The following SNX31 variants were observed in gnomAD, a reference collection of about 807,000 sequenced individuals.
The protein encoded by SNX31 is sorting nexin 31.
Under a neutral mutation model 65.4 loss-of-function variants are expected in SNX31, and 58 were observed. The ratio of observed to expected loss-of-function variants is 0.89; its 90% CI spans 0.72 to 1.10. SNX31 has a LOEUF of 1.10. Ranked by LOEUF, SNX31 falls within the 50% of genes least tolerant of loss-of-function variation. The pLI is 0.00. For missense variants in SNX31, 523 were observed against 529.7 expected (o/e 0.99, Z 0.12); for synonymous variants, 181 against 190.1 (o/e 0.95, Z 0.39).
upstream of SNX31, among the ~76,000 whole-genome samples, chr8:100,654,290 C>T (rs566081779): frequency 5.9e-5 from 9 of 152,126 alleles, no homozygotes; most frequent in Non-Finnish European, 1.0e-4. Context: ...GGATTACAGG[C>T]GTGAGCCACT....
At position 100,649,358 on chromosome 8, in the gene SNX31, C is replaced by T. The variant is rs1308556646; in HGVS notation, c.67-10G>A. 6.2e-7 allele frequency: 1 copy of T among 1,613,586 alleles called. No homozygotes were observed. The highest frequency in any genetic ancestry group is 1.7e-5 in the Admixed American group (1 of 60,022). ...GGTGCACGGAGTACAGCTGCAAACA[C>T]ACAGACACCCCGTCCCTGGTGAGCC... is the stretch of plus-strand genomic sequence containing the variant. On this transcript the variant is annotated splice_polypyrimidine_tract_variant and intron_variant, in intron 1 of 13. Transcript: ENST00000311812.
chr8:100,636,064 G>T, intron 2 of SNX31, 53 bp from the exon 3 acceptor site: 1 of 1,364,236 alleles, frequency 7.3e-7, no homozygotes, highest in Non-Finnish European at 1.0e-6. Context: ...GTTCAGGGTT[G>T]ATGAGATTAC....
chr8:100,658,074 C>G (rs1820079612), intron 1 of SNX31, among the ~76,000 whole-genome samples: 1 of 152,060 alleles, frequency 6.6e-6, no homozygotes, highest in South Asian at 2.1e-4. Flanking sequence ...ATGCTGATGT[C>G]CGGGTCCCAC....
Position 100,612,993 on chromosome 8 carries a change from A to T in SNX31, c.523+2T>A. 6.2e-7 allele frequency: 1 copy of T among 1,613,470 alleles called. No individual in the cohort carries two copies. Among genetic ancestry groups the T allele is most frequent in the Non-Finnish European group, 8.5e-7 (1 of 1,179,514 alleles). ...CTGATTCATTTGTTCCTTCCTTCTT[A>T]CCAGAGAGCTTGCCCTCCTTGCCAA... is the stretch of plus-strand genomic sequence containing the variant. On this transcript the variant is annotated splice_donor_variant, in intron 6 of 13. Coordinates refer to ENST00000311812, the MANE Select transcript of SNX31 (RefSeq NM_152628.4). LOFTEE classifies it high-confidence loss of function. This position sits in a 1 kb window ranked among gnomAD's most constrained non-coding sequence, Gnocchi z 4.3.
chr8:100,659,996 T>C (rs753586352), intron 1 of SNX31, among the ~76,000 whole-genome samples: 2 of 152,142 alleles, frequency 1.3e-5, no homozygotes, highest in Non-Finnish European at 2.9e-5. Flanking sequence ...AAGATAATAA[T>C]AGAAGGATTA....
At position 100,610,565 on chromosome 8, in the gene SNX31, C is replaced by T. The variant is rs534812262; in HGVS notation, c.611+1435G>A. 1.3e-3 allele frequency among the ~76,000 whole-genome samples: 195 copies of T among 152,276 alleles called. 2 individuals carry two copies. Among genetic ancestry groups the T allele is most frequent in the African/African-American group, 3.6e-3 (149 of 41,564 alleles). On this transcript the variant is annotated intron_variant, in intron 7 of 13. Coordinates refer to ENST00000311812, the MANE Select transcript of SNX31 (RefSeq NM_152628.4). This position sits in a 1 kb window ranked among gnomAD's most constrained non-coding sequence, Gnocchi z 4.0. Reference sequence around the variant, plus strand: ...AGCTTGAACGACTTGGCTAGGTTTACGCAGCTAAGACCTGAGCAAGGCGCA... The same window carrying T: ...AGCTTGAACGACTTGGCTAGGTTTATGCAGCTAAGACCTGAGCAAGGCGCA...
At chr8:100,580,097 G>A (rs1290204031) in intron 12 of SNX31, among the ~76,000 whole-genome samples, 1 of 151,142 alleles carries the variant, frequency 6.6e-6, no homozygotes, top group Non-Finnish European at 1.5e-5. Flanking sequence ...GGGAGGTGGA[G>A]GTTGCAGTGA....
intron 3 of SNX31, among the ~76,000 whole-genome samples, chr8:100,631,486 G>A (rs1818414587): frequency 6.9e-6 from 1 of 144,766 alleles, no homozygotes; most frequent in Admixed American, 7.1e-5. Context: ...CACCCAGGCT[G>A]GGGTGCAATG....
At chr8:100,599,406 C>A (rs2130925331) in intron 9 of SNX31, among the ~76,000 whole-genome samples, 1 of 151,498 alleles carries the variant, frequency 6.6e-6, no homozygotes, top group African/African-American at 2.4e-5. Flanking sequence ...AAAATAGAAG[C>A]TGCACTTGTT....
At chr8:100,631,333 C>G (rs538207997) in intron 3 of SNX31, among the ~76,000 whole-genome samples, 1 of 152,242 alleles carries the variant, frequency 6.6e-6, no homozygotes, top group Admixed American at 6.5e-5. Flanking sequence ...GGTTTACCCC[C>G]ACTTGCCACA....
intron 1 of SNX31, among the ~76,000 whole-genome samples, chr8:100,662,524 C>T (rs966039440): frequency 6.6e-6 from 1 of 152,084 alleles, no homozygotes; most frequent in African/African-American, 2.4e-5. Flanking sequence ...GTGGTGAAAA[C>T]CCGTCTCTAC....
intron 2 of SNX31, among the ~76,000 whole-genome samples, chr8:100,644,715 A>G (rs1819508200): frequency 6.6e-6 from 1 of 152,220 alleles, no homozygotes; most frequent in African/African-American, 2.4e-5. Flanking sequence ...CCCAGCCTGG[A>G]GTGCAGTGGT....
intron 10 of SNX31, among the ~76,000 whole-genome samples, chr8:100,595,612 G>C (rs4734466): frequency 0.2 from 30,461 of 152,120 alleles, 4,276 homozygotes; most frequent in African/African-American, 0.39. Context: ...AAAGAGAAAA[G>C]TCAGAGATAA....
chr8:100,574,731 C>T (rs1343578175), intron 13 of SNX31, among the ~76,000 whole-genome samples: 7 of 151,570 alleles, frequency 4.6e-5, no homozygotes, highest in Non-Finnish European at 7.4e-5. Context: ...GCCAGGAGTA[C>T]GAGACCAGCC....
intron 1 of SNX31, among the ~76,000 whole-genome samples, chr8:100,655,232 GGTGATGTTTGA>G (rs201230942): frequency 0.017 from 2,654 of 152,278 alleles, 35 homozygotes; most frequent in Non-Finnish European, 0.027. Context: ...TTCTGGAGAA[GGTGATGTTTGA>G]GAGAGATTCT....
chr8:100,580,467 A>G (rs10101695), intron 12 of SNX31, among the ~76,000 whole-genome samples: 13,933 of 152,166 alleles, frequency 0.092, 2,191 homozygotes, highest in African/African-American at 0.32. Context: ...GACCACATTT[A>G]CCAGACTCCC....
intron 9 of SNX31, among the ~76,000 whole-genome samples, chr8:100,599,835 T>C (rs966702538): frequency 7.2e-5 from 11 of 152,182 alleles, no homozygotes; most frequent in African/African-American, 2.7e-4. Context: ...TGTTTAGAAA[T>C]ATATCCTAAG....
At position 100,596,779 on chromosome 8, in the gene SNX31, C is replaced by G. The variant is rs1279546488; in HGVS notation, c.838G>C (p.Asp280His). 3.1e-6 allele frequency: 5 copies of G among 1,614,052 alleles called. No homozygotes were observed. The highest frequency in any genetic ancestry group is 4.2e-6 in the Non-Finnish European group (5 of 1,180,018). ...GYLQLDPCTC[D>H]YPESGSGAVL... ...GCTCCAGAGCCTGATTCTGGGTAGT[C>G]ACAGGTACAAGGATCCAGCTGCAGG... Residue 280 changes from aspartate (D) to histidine (H), a missense_variant, in exon 10 of 14, where the codon GAC becomes CAC. Coordinates refer to ENST00000311812, the MANE Select transcript of SNX31 (RefSeq NM_152628.4).
chr8:100,596,751 ACAG>A lies in SNX31; in HGVS notation c.863_865del (p.Ala288del), dbSNP rs745593456. The A allele has an allele frequency of 1.1e-4, 170 of 1,614,008 alleles. No homozygotes were observed. Among genetic ancestry groups the A allele is most frequent in the Non-Finnish European group, 1.4e-4 (166 of 1,180,030 alleles). ...GATCTCATTATTGCCAACAGAAAGA[ACAG>A]CTCCAGAGCCTGATTCTGGGTAGTC... On this transcript the variant is annotated inframe_deletion, in exon 10 of 14. Coordinates refer to ENST00000311812, the MANE Select transcript of SNX31 (RefSeq NM_152628.4).
Sources: allele counts gnomAD v4.1 joint callset (sites outside exome capture counted in the v4.1 genomes callset), GRCh38; gene constraint gnomAD v4.1.1; non-coding constraint Gnocchi (gnomAD v3.1); transcripts MANE v1.5; gene names NCBI Gene and HGNC (gene_info 2026-07-23, HGNC 2026-07-21).